The following CCBE1 variants were observed in gnomAD, a reference collection of about 807,000 sequenced individuals.
The protein encoded by CCBE1 is collagen and calcium binding EGF domains 1, also known as collagen and calcium-binding EGF domain-containing protein 1.
CCBE1 carries 37 observed loss-of-function variants against 50.0 expected under a neutral mutation model. The ratio of observed to expected loss-of-function variants is 0.74; its 90% CI spans 0.57 to 0.97. CCBE1 has a LOEUF of 0.97. Ranked by LOEUF, CCBE1 falls within the 50% of genes least tolerant of loss-of-function variation. The probability of loss-of-function intolerance (pLI) is 0.00; values close to 1 mark genes in which losing one functional copy is unlikely to be tolerated. For synonymous variants in CCBE1, 234 were observed against 203.7 expected, an observed-to-expected ratio of 1.15 and a Z score of -1.27; for missense variants, 538 against 523.8, an observed-to-expected ratio of 1.03 and a Z score of -0.26.
intron 2 of CCBE1, among the ~76,000 whole-genome samples, chr18:59,490,200 G>A (rs1033299399): frequency 3.9e-5 from 6 of 151,926 alleles, no homozygotes; most frequent in South Asian, 2.1e-4. Context: ...GGGCAGGCTC[G>A]TCTCGAACTG....
At chr18:59,588,532 T>A (rs1041228475) in intron 2 of CCBE1, among the ~76,000 whole-genome samples, 4 of 152,208 alleles carry the variant, frequency 2.6e-5, no homozygotes, top group Non-Finnish European at 4.4e-5. Flanking sequence ...GATCCTCATA[T>A]AATTGGAACC....
rs373652074 is a variant in CCBE1, at chr18:59,433,891, C to CTTTTTTTTTTTTTTTTT, written c.*2000_*2016dup. 1.4e-5 allele frequency: 1 copy of CTTTTTTTTTTTTTTTTT among 70,052 alleles called. No individual in the cohort carries two copies. The highest frequency in any genetic ancestry group is 6.1e-5 in the African/African-American group (1 of 16,450). 4.3% of individuals were successfully genotyped at this position (70,052 alleles called of 1,614,324 possible). A position where few individuals can be genotyped will look rare whatever the true frequency, so the allele number is the denominator to read the frequency against. On this transcript the variant is annotated 3_prime_UTR_variant, in exon 11 of 11. Transcript: ENST00000439986. ...ACAGGCATGAGCCACCAAGCCCGGC[C>CTTTTTTTTTTTTTTTTT]TTTTTTTTTTTTTTTTTTTTTTTTT...
intron 5 of CCBE1, chr18:59,464,123 G>C (rs1911628827): frequency 6.9e-6 from 1 of 145,018 alleles, no homozygotes; most frequent in Non-Finnish European, 1.6e-5. Context: ...ACAAAACTCA[G>C]TGATTTTAAT....
chr18:59,583,878 A>T (rs1292145090), intron 2 of CCBE1, among the ~76,000 whole-genome samples: 1 of 152,198 alleles, frequency 6.6e-6, no homozygotes, highest in African/African-American at 2.4e-5. Flanking sequence ...GTGGAGAAAC[A>T]GCAACACTTT....
At chr18:59,613,762 TA>T (rs1568234551) in intron 2 of CCBE1, among the ~76,000 whole-genome samples, 1 of 151,456 alleles carries the variant, frequency 6.6e-6, no homozygotes, top group Non-Finnish European at 1.5e-5. Flanking sequence ...AAGATATCAA[TA>T]TGGTTAGTTC....
chr18:59,450,501 C>T (rs1437068347), intron 6 of CCBE1, among the ~76,000 whole-genome samples: 1 of 152,048 alleles, frequency 6.6e-6, no homozygotes, highest in Non-Finnish European at 1.5e-5. Context: ...ATCTGTGCTC[C>T]TAACCATTAA....
At chr18:59,545,265 T>C (rs973564704) in intron 2 of CCBE1, among the ~76,000 whole-genome samples, 3 of 152,104 alleles carry the variant, frequency 2.0e-5, no homozygotes, top group African/African-American at 7.2e-5. Context: ...ACTTCAGTTC[T>C]CCCCCTATAA....
rs762304720 is a variant in CCBE1, at chr18:59,696,637, T to C, written c.204A>G (p.Thr68=). Residue 68 remains threonine (T), a synonymous_variant, in exon 2 of 11, where the codon ACA becomes ACG. Coordinates refer to ENST00000439986, the MANE Select transcript of CCBE1 (RefSeq NM_133459.4). ...PCLKSSGELT[T]CYRKKCCKGY... ...AGAGCCCCCAGGCTTACCTGTAGCA[T>C]GTGGTGAGCTCGCCTGAAGACTTCA... The C allele has an allele frequency of 1.1e-5, 18 of 1,613,796 alleles. No individual in the cohort carries two copies. In the African/African-American group the frequency reaches 2.0e-4, roughly 18 times the overall value.
chr18:59,659,398 A>G (rs2054251948), intron 2 of CCBE1, among the ~76,000 whole-genome samples: 1 of 152,104 alleles, frequency 6.6e-6, no homozygotes, highest in African/African-American at 2.4e-5. Flanking sequence ...CAGACAACCA[A>G]CTAATTCTTA....
At chr18:59,570,347 C>T (rs2052891422) in intron 2 of CCBE1, among the ~76,000 whole-genome samples, 1 of 152,162 alleles carries the variant, frequency 6.6e-6, no homozygotes, top group Non-Finnish European at 1.5e-5. Flanking sequence ...TCAAGCAGGG[C>T]CACCCTCAGA....
In CCBE1 at chr18:59,435,889, G is replaced by C. The variant is rs376780422; in HGVS notation, c.*19C>G. On this transcript the variant is annotated 3_prime_UTR_variant, in exon 11 of 11. Transcript: ENST00000439986. Reference sequence around the variant, plus strand: ...GAGTTGATCTTTCTCTTCCTTTGGCGTGACGGTGTTGGGATGTGCTATGGG... The same window carrying C: ...GAGTTGATCTTTCTCTTCCTTTGGCCTGACGGTGTTGGGATGTGCTATGGG... 2.5e-6 allele frequency: 4 copies of C among 1,598,488 alleles called. No homozygotes were observed. The highest frequency in any genetic ancestry group is 3.4e-6 in the Non-Finnish European group (4 of 1,165,866).
intron 2 of CCBE1, among the ~76,000 whole-genome samples, chr18:59,624,411 A>G (rs1568239827): frequency 6.6e-6 from 1 of 152,216 alleles, no homozygotes; most frequent in African/African-American, 2.4e-5. Flanking sequence ...GTACTGATAC[A>G]TGCAATAGAT....
rs571222492 is a variant in CCBE1 at position 59,475,461 on chromosome 18, A to T, written c.265+4725T>A. On this transcript the variant is annotated intron_variant, in intron 3 of 10. Transcript: ENST00000439986. Reference sequence around the variant, plus strand: ...TGTAAGTTCCTTATACTGCAGCAAAACTAACTTCTCTTTTTCTTCACCCCT... The same window carrying T: ...TGTAAGTTCCTTATACTGCAGCAAATCTAACTTCTCTTTTTCTTCACCCCT... Among the ~76,000 whole-genome samples the T allele has an allele frequency of 1.1e-4, 16 of 152,294 alleles. No individual in the cohort carries two copies. The South Asian group carries it at 1.9e-3, about 18-fold the overall frequency.
At chr18:59,519,840 AT>A (rs1914524382) in intron 2 of CCBE1, among the ~76,000 whole-genome samples, 1 of 152,168 alleles carries the variant, frequency 6.6e-6, no homozygotes, top group Non-Finnish European at 1.5e-5. Flanking sequence ...TCTTGAATTA[AT>A]TTTTGTATAA....
rs530609465 is a variant in CCBE1, at chr18:59,598,980, G to T, written c.212+97649C>A. ...AGAAACATCAAATCCTTGTGATGCTGGCAGAGTCCCTAAATTCAGCCATGG... is the reference window on the plus strand; with the variant it reads ...AGAAACATCAAATCCTTGTGATGCTTGCAGAGTCCCTAAATTCAGCCATGG... On this transcript the variant is annotated intron_variant, in intron 2 of 10. Coordinates refer to ENST00000439986, the MANE Select transcript of CCBE1 (RefSeq NM_133459.4). 7.0e-4 allele frequency among the ~76,000 whole-genome samples: 107 copies of T among 152,250 alleles called. 1 individual carries two copies. The highest frequency in any genetic ancestry group is 2.6e-3 in the African/African-American group (106 of 41,546).
Position 59,677,997 on chromosome 18 carries a change from A to G in CCBE1, c.212+18632T>C, listed in dbSNP as rs2054530375. On this transcript the variant is annotated intron_variant, in intron 2 of 10. Coordinates refer to ENST00000439986, the MANE Select transcript of CCBE1 (RefSeq NM_133459.4). ...ATAGCATTTCCACAGTCATTACATC[A>G]ACACTGAAAACTGACCTATCCCAAA... Among the ~76,000 whole-genome samples the G allele has an allele frequency of 2.0e-5, 3 of 152,228 alleles. No individual in the cohort carries two copies. The South Asian group carries it at 6.2e-4, about 31-fold the overall frequency.
intron 7 of CCBE1, among the ~76,000 whole-genome samples, chr18:59,443,578 C>T (rs2097086): frequency 0.11 from 16,353 of 151,708 alleles, 1,080 homozygotes; most frequent in Admixed American, 0.16. Flanking sequence ...GCAATTCTCC[C>T]GCCTCAACCT....
intron 2 of CCBE1, chr18:59,685,798 T>TTATAGTGA (rs2054646352): frequency 6.6e-6 from 1 of 152,218 alleles, no homozygotes; most frequent in African/African-American, 2.4e-5. Flanking sequence ...CATTCTGTTG[T>TTATAGTGA]TATAGTGATA....
At chr18:59,664,171 C>T (rs866989537) in intron 2 of CCBE1, among the ~76,000 whole-genome samples, 2 of 152,036 alleles carry the variant, frequency 1.3e-5, no homozygotes, top group African/African-American at 4.8e-5. Flanking sequence ...ACAAGGCAGC[C>T]CTATAGGGGC....
Sources: allele counts gnomAD v4.1 joint callset (sites outside exome capture counted in the v4.1 genomes callset), GRCh38; gene constraint gnomAD v4.1.1; transcripts MANE v1.5; gene names NCBI Gene and HGNC (gene_info 2026-07-23, HGNC 2026-07-21).